RBPMS2: variants seen among roughly 807,000 people sequenced by gnomAD.
The protein encoded by RBPMS2 is RNA binding protein, mRNA processing factor 2.
Under a neutral mutation model 25.7 loss-of-function variants are expected in RBPMS2, and 14 were observed. The observed-to-expected ratio is 0.55, with a 90% CI of 0.36 to 0.85. The LOEUF is 0.85. Ranked by LOEUF, RBPMS2 falls within the 40% of genes least tolerant of loss-of-function variation. The probability of loss-of-function intolerance (pLI) is 0.01; values close to 1 mark genes in which losing one functional copy is unlikely to be tolerated. For synonymous variants in RBPMS2, 127 were observed against 115.6 expected (o/e 1.10, Z -0.63); for missense variants, 252 against 283.4 (o/e 0.89, Z 0.80).
intron 1 of RBPMS2, among the ~76,000 whole-genome samples, chr15:64,756,357 G>A (rs1185866862): frequency 6.6e-6 from 1 of 152,058 alleles, no homozygotes; most frequent in Non-Finnish European, 1.5e-5. Context: ...CTCTACTAAA[G>A]ATACAAAGTT....
At chr15:64,755,148 T>C (rs759797686) in intron 1 of RBPMS2, among the ~76,000 whole-genome samples, 1 of 151,692 alleles carries the variant, frequency 6.6e-6, no homozygotes, top group African/African-American at 2.4e-5. Flanking sequence ...GTGGGGTGAG[T>C]GTAGGGGCTG....
intron 1 of RBPMS2, among the ~76,000 whole-genome samples, chr15:64,754,211 C>A (rs1299323504): frequency 6.6e-6 from 1 of 152,056 alleles, no homozygotes; most frequent in Non-Finnish European, 1.5e-5. Context: ...ACTTCGGAGG[C>A]TGAGGCAAGA....
At chr15:64,743,195 C>T (rs561648288) in intron 6 of RBPMS2, among the ~76,000 whole-genome samples, 13 of 152,326 alleles carry the variant, frequency 8.5e-5, no homozygotes, top group Admixed American at 4.6e-4. Flanking sequence ...AGAACATGGA[C>T]GACAGAATGG....
In RBPMS2 at chr15:64,750,374, T is replaced by C. The variant is rs1285883341; in HGVS notation, c.173A>G (p.Glu58Gly). ...YLLFRPFKGY[E>G]GSLIKLTARQ... ...TGCAGTGAGCTTGATCAGGGACCCT[T>C]CATACCCCTGCGGAGAGAGGTGGCT... The change falls in exon 3 of 8, where the codon GAA (glutamate) becomes GGA (glycine). Residue 58 changes from glutamate (E) to glycine (G), a missense_variant. Coordinates refer to ENST00000300069, the MANE Select transcript of RBPMS2 (RefSeq NM_194272.3). 6.2e-7 allele frequency: 1 copy of C among 1,613,920 alleles called. No individual in the cohort carries two copies.
intron 6 of RBPMS2, among the ~76,000 whole-genome samples, chr15:64,745,193 T>G (rs2141055474): frequency 6.6e-6 from 1 of 152,352 alleles, no homozygotes; most frequent in Non-Finnish European, 1.5e-5. Context: ...CTTATACACC[T>G]GCTCCAAACT....
At chr15:64,756,976 T>TA (rs1284524288) in intron 1 of RBPMS2, among the ~76,000 whole-genome samples, 1 of 146,142 alleles carries the variant, frequency 6.8e-6, no homozygotes, top group Non-Finnish European at 1.5e-5. Context: ...CCTCATTTTT[T>TA]TTTTTTTTTT....
intron 1 of RBPMS2, among the ~76,000 whole-genome samples, chr15:64,772,693 C>T (rs2083900908): frequency 6.6e-6 from 1 of 152,184 alleles, no homozygotes; most frequent in African/African-American, 2.4e-5. Context: ...TAACCTTGCT[C>T]CTCCTACTCA....
chr15:64,742,119 C>T (rs541300465), intron 6 of RBPMS2, among the ~76,000 whole-genome samples: 4 of 152,092 alleles, frequency 2.6e-5, no homozygotes, highest in East Asian at 3.8e-4. Context: ...GAGTTGAGAT[C>T]GCGCCATTGC....
chr15:64,759,765 C>T (rs1256154658), intron 1 of RBPMS2, among the ~76,000 whole-genome samples: 1 of 152,110 alleles, frequency 6.6e-6, no homozygotes, highest in South Asian at 2.1e-4. Context: ...CTCTACTTCC[C>T]GTGTTCAAGC....
Position 64,767,704 on chromosome 15 carries a change from G to A in RBPMS2, c.87+7529C>T, listed in dbSNP as rs1006353217. 3.3e-5 allele frequency among the ~76,000 whole-genome samples: 5 copies of A among 151,946 alleles called. No homozygotes were observed. The East Asian group carries it at 9.7e-4, about 29-fold the overall frequency. On this transcript the variant is annotated intron_variant, in intron 1 of 7. Transcript: ENST00000300069. ...TTTTTTTCTTTTGAGACAAGGTCTC[G>A]CTCTGTCACCCAGGCTGGAGTGCAG...
intron 5 of RBPMS2, 74 bp from the exon 6 acceptor site, chr15:64,748,641 C>A: frequency 6.7e-7 from 1 of 1,492,602 alleles, no homozygotes; most frequent in Non-Finnish European, 8.9e-7. Context: ...GGACCCAGCA[C>A]TATGGTTGAG....
chr15:64,749,279 G>A, intron 4 of RBPMS2, 129 bp from the exon 5 acceptor site: 4 of 1,352,464 alleles, frequency 3.0e-6, no homozygotes, highest in Non-Finnish European at 4.2e-6. Context: ...CTGAGGCAGA[G>A]GAAAGGCAGC....
intron 1 of RBPMS2, among the ~76,000 whole-genome samples, chr15:64,763,420 T>C (rs1242116275): frequency 6.6e-6 from 1 of 152,124 alleles, no homozygotes; most frequent in Non-Finnish European, 1.5e-5. Flanking sequence ...TAGAGGACAC[T>C]TGGCCCCAGA....
intron 1 of RBPMS2, among the ~76,000 whole-genome samples, chr15:64,774,755 G>A (rs1157237322): frequency 2.3e-5 from 1 of 44,392 alleles, no homozygotes; most frequent in Non-Finnish European, 5.9e-5. Context: ...AGGCCTCCAA[G>A]GTCACGGGGA....
intron 2 of RBPMS2, among the ~76,000 whole-genome samples, chr15:64,751,282 G>C (rs1203117623): frequency 6.6e-6 from 1 of 150,900 alleles, no homozygotes; most frequent in African/African-American, 2.4e-5. Flanking sequence ...GCAGTGAGCC[G>C]AGATCAAGCC....
At chr15:64,749,391 G>A (rs2083653218) in intron 4 of RBPMS2, 40 bp downstream of exon 4, 2 of 1,548,142 alleles carry the variant, frequency 1.3e-6, no homozygotes, top group Non-Finnish European at 1.8e-6. Context: ...CTGCCTAAGA[G>A]GGCTGTGAGT....
At chr15:64,742,563 G>A (rs1219802373) in intron 6 of RBPMS2, among the ~76,000 whole-genome samples, 2 of 152,214 alleles carry the variant, frequency 1.3e-5, no homozygotes, top group African/African-American at 4.8e-5. Context: ...CGCAGGGAAG[G>A]CCGCCTGCCC....
intron 6 of RBPMS2, among the ~76,000 whole-genome samples, chr15:64,742,356 T>C (rs2141052419): frequency 6.6e-6 from 1 of 152,288 alleles, no homozygotes; most frequent in South Asian, 2.1e-4. Flanking sequence ...CAGAGGTCTA[T>C]AACGTCAGGT....
At chr15:64,743,182 G>C (rs1297707989) in intron 6 of RBPMS2, among the ~76,000 whole-genome samples, 1 of 152,230 alleles carries the variant, frequency 6.6e-6, no homozygotes. Flanking sequence ...GCCGGACAAG[G>C]GGAGAACATG....
Sources: gnomAD v4.1 joint callset for allele counts (sites outside exome capture counted in the v4.1 genomes callset) on GRCh38, gnomAD v4.1.1 for gene constraint, MANE v1.5 for transcripts, NCBI Gene and HGNC (gene_info 2026-07-23, HGNC 2026-07-21) for gene names.